Variants in CRACDL observed in about 807,000 individuals in gnomAD.
CRACDL encodes CRACD-like protein.
A neutral mutation model predicts 70.6 loss-of-function variants in CRACDL; 26 were observed. The observed-to-expected ratio is 0.37, with a 90% CI of 0.27 to 0.51. The LOEUF is 0.51. Among genes scored for constraint, CRACDL ranks in the 20% least tolerant of loss-of-function variants. CRACDL has a pLI of 0.94. For missense variants in CRACDL, 1,283 were observed against 1,376.9 expected, an observed-to-expected ratio of 0.93 and a Z score of 1.08; for synonymous variants, 618 against 615.2, an observed-to-expected ratio of 1.00 and a Z score of -0.07.
At chr2:98,803,789 G>A (rs533978015) in intron 7 of CRACDL, among the ~76,000 whole-genome samples, 1 of 152,298 alleles carries the variant, frequency 6.6e-6, no homozygotes, top group South Asian at 2.1e-4. Flanking sequence ...CAGTCACTGT[G>A]CCTCGTTGCT....
At chr2:98,882,670 C>T (rs959724301) in intron 1 of CRACDL, among the ~76,000 whole-genome samples, 1 of 152,200 alleles carries the variant, frequency 6.6e-6, no homozygotes, top group African/African-American at 2.4e-5. Flanking sequence ...AAACAAGCCT[C>T]ATCTGCAACA....
chr2:98,840,322 T>C (rs1340181854), intron 2 of CRACDL, among the ~76,000 whole-genome samples: 1 of 152,174 alleles, frequency 6.6e-6, no homozygotes, highest in African/African-American at 2.4e-5. Flanking sequence ...TTTCTATCTG[T>C]TATTGATTTC....
intron 1 of CRACDL, among the ~76,000 whole-genome samples, chr2:98,909,295 T>C (rs1295160054): frequency 6.6e-6 from 1 of 152,246 alleles, no homozygotes; most frequent in African/African-American, 2.4e-5. Context: ...GGGAACTTAT[T>C]TGTTCACAAA....
intron 6 of CRACDL, among the ~76,000 whole-genome samples, chr2:98,825,570 G>A (rs914945439): frequency 2.6e-5 from 4 of 152,346 alleles, no homozygotes; most frequent in African/African-American, 4.8e-5. Flanking sequence ...AGACATCCCC[G>A]TGGGATTCAT....
intron 1 of CRACDL, among the ~76,000 whole-genome samples, chr2:98,855,881 T>C (rs1249297666): frequency 6.6e-6 from 1 of 152,054 alleles, no homozygotes. Flanking sequence ...AACAGGAGAT[T>C]CGAGTTGGCA....
intron 1 of CRACDL, among the ~76,000 whole-genome samples, chr2:98,918,086 G>A (rs147873001): frequency 1.4e-4 from 21 of 152,314 alleles, no homozygotes; most frequent in African/African-American, 5.1e-4. Context: ...GAACATAAAA[G>A]TGCAGGTATC....
intron 1 of CRACDL, among the ~76,000 whole-genome samples, chr2:98,916,686 A>C (rs1573196458): frequency 6.6e-6 from 1 of 151,844 alleles, no homozygotes; most frequent in East Asian, 1.9e-4. Context: ...AAGTTTTATT[A>C]TCCTGAATTT....
At chr2:98,918,844 G>A (rs1300936482) in intron 1 of CRACDL, among the ~76,000 whole-genome samples, 4 of 152,040 alleles carry the variant, frequency 2.6e-5, no homozygotes, top group Admixed American at 2.6e-4. Flanking sequence ...GTCCCCTATT[G>A]GATACATAGT....
intron 1 of CRACDL, among the ~76,000 whole-genome samples, chr2:98,872,252 G>A (rs1299999462): frequency 6.6e-6 from 1 of 152,198 alleles, no homozygotes; most frequent in African/African-American, 2.4e-5. Context: ...CAGCTACTAG[G>A]GAGGCTGAGG....
At chr2:98,798,430 C>T (rs1463244930) in intron 7 of CRACDL, among the ~76,000 whole-genome samples, 6 of 108,324 alleles carry the variant, frequency 5.5e-5, no homozygotes, top group Non-Finnish European at 8.4e-5. Flanking sequence ...GGCGACAGAG[C>T]GAGACTCCGT....
chr2:98,897,226 C>T (rs1196022435), intron 1 of CRACDL, among the ~76,000 whole-genome samples: 1 of 152,190 alleles, frequency 6.6e-6, no homozygotes, highest in African/African-American at 2.4e-5. Context: ...CATTTTGAGA[C>T]TGGCTTCTTT....
chr2:98,797,735 C>G (rs1024276504), intron 7 of CRACDL, among the ~76,000 whole-genome samples, 198 bp from the exon 8 acceptor site: 24 of 152,160 alleles, frequency 1.6e-4, no homozygotes, highest in Non-Finnish European at 1.2e-4. Flanking sequence ...CTGAGCCCCA[C>G]AAAATTAAAT....
chr2:98,832,674 CTCT>C (rs1487611165), intron 4 of CRACDL, among the ~76,000 whole-genome samples, 162 bp from the exon 5 acceptor site: 1 of 152,234 alleles, frequency 6.6e-6, no homozygotes, highest in East Asian at 1.9e-4. Flanking sequence ...CCACTGCCAT[CTCT>C]TCTTTGTTCA....
intron 1 of CRACDL, among the ~76,000 whole-genome samples, chr2:98,906,263 T>A (rs1708412375): frequency 6.7e-6 from 1 of 149,250 alleles, no homozygotes; most frequent in Non-Finnish European, 1.5e-5. Context: ...TCTTTTCCTT[T>A]TTTTTTTTTT....
chr2:98,884,317 G>T (rs1265838771), intron 1 of CRACDL, among the ~76,000 whole-genome samples: 1 of 152,246 alleles, frequency 6.6e-6, no homozygotes, highest in Non-Finnish European at 1.5e-5. Context: ...CAGAAGGACA[G>T]GGAGGGCAAT....
Position 98,822,598 on chromosome 2 carries a change from G to A in CRACDL, c.1675C>T (p.Arg559Trp). 2 of 1,421,674 alleles carry A rather than the reference G, an allele frequency of 1.4e-6. No homozygotes were observed. Among genetic ancestry groups the A allele is most frequent in the South Asian group, 1.4e-5 (1 of 69,536 alleles). 88.1% of individuals were successfully genotyped at this position (1,421,674 alleles called of 1,614,324 possible). Residue 559 changes from arginine to tryptophan, a missense_variant, in exon 7 of 10, where the codon CGG (arginine) becomes TGG (tryptophan). Physicochemically the swap from Arg to Trp is moderately radical, Grantham distance 101. Around this residue, in one of 2 missense-constraint regions of CRACDL, gnomAD observed 921 missense variants for 881.9 expected, o/e 1.04. Transcript: ENST00000397899. The surrounding 1 kb of genome is among the most constrained non-coding windows in gnomAD (Gnocchi z 4.9). Reference protein sequence around the residue: ...PAGAERAAPERKAERGGAELR... With the variant: ...PAGAERAAPEWKAERGGAELR... ...TCGGCACCGCCCCTCTCCGCCTTCC[G>A]CTCTGGCGCCGCCCTCTCGGCGCCC...
At chr2:98,827,254 C>T (rs1705344342) in intron 5 of CRACDL, 85 bp from the exon 6 acceptor site, 1 of 918,702 alleles carries the variant, frequency 1.1e-6, no homozygotes, top group Non-Finnish European at 1.7e-6. Flanking sequence ...CTCTTTTCTG[C>T]CCAGGCTGTC....
intron 3 of CRACDL, among the ~76,000 whole-genome samples, chr2:98,833,658 T>C (rs1360887317): frequency 6.6e-6 from 1 of 152,234 alleles, no homozygotes; most frequent in African/African-American, 2.4e-5. Flanking sequence ...CTCAAGAATC[T>C]GATCTGGGAC....
intron 6 of CRACDL, among the ~76,000 whole-genome samples, chr2:98,826,481 G>C (rs940642503): frequency 6.6e-6 from 1 of 152,230 alleles, no homozygotes; most frequent in East Asian, 1.9e-4. Flanking sequence ...TGTGGCGAGT[G>C]TTCTGAAGGA....
Sources: allele counts gnomAD v4.1 joint callset (sites outside exome capture counted in the v4.1 genomes callset), GRCh38; gene constraint gnomAD v4.1.1; regional missense constraint gnomAD v4.1.1; non-coding constraint Gnocchi (gnomAD v3.1); transcripts MANE v1.5; gene names NCBI Gene and HGNC (gene_info 2026-07-23, HGNC 2026-07-21).